Variants in PEAK1 observed in about 807,000 individuals in gnomAD.
PEAK1 encodes the protein inactive tyrosine-protein kinase PEAK1.
In PEAK1, 54 loss-of-function variants were observed where a neutral mutation model predicts 124.7. That is an observed-to-expected ratio of 0.43 (90% CI 0.35 to 0.54). The LOEUF (loss-of-function observed/expected upper bound fraction) is 0.54. Among genes scored for constraint, PEAK1 ranks in the 20% least tolerant of loss-of-function variants. PEAK1 has a pLI of 0.01. For synonymous variants in PEAK1, 719 were observed against 760.0 expected (o/e 0.95, Z 0.89); for missense variants, 2,046 against 2,134.5 (o/e 0.96, Z 0.82).
At chr15:77,175,636 C>A (rs1221217900) in intron 7 of PEAK1, among the ~76,000 whole-genome samples, 1 of 152,154 alleles carries the variant, frequency 6.6e-6, no homozygotes, top group African/African-American at 2.4e-5. Context: ...GAAACAGGAA[C>A]ACTTTTACAC....
At chr15:77,101,811 A>G (rs917918667) in exon 7 of PEAK1, 1 of 152,144 alleles carries the variant, frequency 6.6e-6, no homozygotes, top group African/African-American at 2.4e-5. Flanking sequence ...CACCATGCTG[A>G]CTACTGGGGT....
chr15:77,117,298 T>C lies in PEAK1; in HGVS notation c.4078-1979A>G, dbSNP rs146686571. Among the ~76,000 whole-genome samples, 491 of 152,322 alleles carry C rather than the reference T, an allele frequency of 3.2e-3. 1 individual carries two copies. Among genetic ancestry groups the C allele is most frequent in the African/African-American group, 9.4e-3 (391 of 41,568 alleles). ...TAGCTTTGCTACTAGCTGTATAACC[T>C]TGAGCATTTCACTAATTTCTCTGGG... On this transcript the variant is annotated intron_variant, in intron 9 of 9. Coordinates refer to ENST00000682557, the MANE Select transcript of PEAK1 (RefSeq NM_001385026.1).
At chr15:77,382,669 T>C (rs1567333200) in intron 1 of PEAK1, among the ~76,000 whole-genome samples, 2 of 152,206 alleles carry the variant, frequency 1.3e-5, no homozygotes, top group Admixed American at 1.3e-4. Flanking sequence ...CAGTTCTGTG[T>C]TCCTCCTAGA....
At chr15:77,281,175 A>T (rs1253956761) in intron 5 of PEAK1, among the ~76,000 whole-genome samples, 1 of 152,186 alleles carries the variant, frequency 6.6e-6, no homozygotes, top group African/African-American at 2.4e-5. Context: ...TCAAAAAAAA[A>T]GTCTATTTCC....
At chr15:77,207,757 A>AT (rs2152857260) in intron 6 of PEAK1, among the ~76,000 whole-genome samples, 1 of 152,294 alleles carries the variant, frequency 6.6e-6, no homozygotes, top group South Asian at 2.1e-4. Flanking sequence ...TGGTGGATAC[A>AT]TTACACAGTT....
chr15:77,374,173 T>C (rs1037383423), intron 1 of PEAK1, among the ~76,000 whole-genome samples: 41 of 152,160 alleles, frequency 2.7e-4, no homozygotes, highest in African/African-American at 9.9e-4. Flanking sequence ...GGAACACAAG[T>C]ATCACTAAAG....
intron 9 of PEAK1, 53 bp from the exon 10 acceptor site, chr15:77,115,372 ATGTATCAGG>A: frequency 6.6e-7 from 1 of 1,504,074 alleles, no homozygotes; most frequent in South Asian, 1.2e-5. Context: ...CAGGTTTATG[ATGTATCAGG>A]GAAGATTAAC....
At chr15:77,292,725 T>C (rs1259124692) in intron 2 of PEAK1, among the ~76,000 whole-genome samples, 1 of 152,058 alleles carries the variant, frequency 6.6e-6, no homozygotes, top group East Asian at 1.9e-4. Context: ...ACAGATAAAT[T>C]TTAGGAAGTA....
intron 2 of PEAK1, among the ~76,000 whole-genome samples, chr15:77,322,930 C>T (rs999748655): frequency 2.0e-5 from 3 of 152,176 alleles, no homozygotes; most frequent in African/African-American, 7.2e-5. Flanking sequence ...AAAAGCTTAT[C>T]CACCATGATC....
chr15:77,121,386 C>T (rs1410154499), intron 9 of PEAK1, among the ~76,000 whole-genome samples: 2 of 152,184 alleles, frequency 1.3e-5, no homozygotes, highest in Non-Finnish European at 2.9e-5. Context: ...GGCTTATTTA[C>T]TCGGAACAGG....
chr15:77,152,737 T>C (rs1185146233), intron 8 of PEAK1, among the ~76,000 whole-genome samples: 2 of 152,230 alleles, frequency 1.3e-5, no homozygotes, highest in Non-Finnish European at 2.9e-5. Flanking sequence ...TCTGTATCTA[T>C]TGAGATAATC....
At chr15:77,168,457 C>T (rs2056280206) in intron 7 of PEAK1, among the ~76,000 whole-genome samples, 1 of 152,182 alleles carries the variant, frequency 6.6e-6, no homozygotes, top group African/African-American at 2.4e-5. Flanking sequence ...GTGGTCTCCA[C>T]TGCAATTATT....
intron 1 of PEAK1, among the ~76,000 whole-genome samples, chr15:77,415,960 C>A (rs749401299): frequency 7.2e-5 from 11 of 152,180 alleles, no homozygotes; most frequent in Non-Finnish European, 1.6e-4. Flanking sequence ...CCTTCAGAGT[C>A]CTTTGTTGAA....
At chr15:77,219,185 A>G (rs942602621) in intron 6 of PEAK1, among the ~76,000 whole-genome samples, 1 of 152,188 alleles carries the variant, frequency 6.6e-6, no homozygotes, top group African/African-American at 2.4e-5. Flanking sequence ...AATAATAAAG[A>G]GGCAGTTCCA....
At chr15:77,219,664 C>A (rs1362897215) in intron 6 of PEAK1, among the ~76,000 whole-genome samples, 1 of 152,028 alleles carries the variant, frequency 6.6e-6, no homozygotes, top group Non-Finnish European at 1.5e-5. Flanking sequence ...TACTCATACA[C>A]CAAAGGGTCG....
intron 5 of PEAK1, among the ~76,000 whole-genome samples, chr15:77,256,430 G>C (rs1015383450): frequency 6.6e-6 from 1 of 151,194 alleles, no homozygotes; most frequent in Non-Finnish European, 1.5e-5. Flanking sequence ...AAATCATATA[G>C]AATGGAAATA....
chr15:77,175,439 A>G (rs112169718), intron 7 of PEAK1, among the ~76,000 whole-genome samples: 36,371 of 145,674 alleles, frequency 0.25, 4,821 homozygotes, highest in Non-Finnish European at 0.35. Flanking sequence ...AAAAGTGGGC[A>G]AAGGATATGA....
At chr15:77,278,980 G>A (rs777293509) in intron 5 of PEAK1, among the ~76,000 whole-genome samples, 2 of 151,512 alleles carry the variant, frequency 1.3e-5, no homozygotes, top group South Asian at 2.1e-4. Flanking sequence ...TTAGACACAC[G>A]CCACCACAAC....
chr15:77,153,728 T>C lies in PEAK1; in HGVS notation c.3331+4775A>G, dbSNP rs187130299. ...TCAAAGAACATCTTTATTTCCGCCTTCATTTCATTATGTACCCAGTAGTCA... is the reference window on the plus strand; with the variant it reads ...TCAAAGAACATCTTTATTTCCGCCTCCATTTCATTATGTACCCAGTAGTCA... On this transcript the variant is annotated intron_variant, in intron 8 of 9. Coordinates refer to ENST00000682557, the MANE Select transcript of PEAK1 (RefSeq NM_001385026.1). Among the ~76,000 whole-genome samples, 252 of 152,344 alleles carry C rather than the reference T, an allele frequency of 1.7e-3. 7 individuals carry two copies. In the East Asian group the frequency reaches 0.042, roughly 26 times the overall value.
Sources: allele counts gnomAD v4.1 joint callset (sites outside exome capture counted in the v4.1 genomes callset), GRCh38; gene constraint gnomAD v4.1.1; transcripts MANE v1.5; gene names NCBI Gene and HGNC (gene_info 2026-07-23, HGNC 2026-07-21).